Variants in COLEC11 observed in about 807,000 individuals in gnomAD.
COLEC11 encodes the protein collectin-11.
COLEC11 carries 20 observed loss-of-function variants against 27.3 expected under a neutral mutation model. That is an observed-to-expected ratio of 0.73 (90% CI 0.51 to 1.06). The LOEUF is 1.06. Ranked by LOEUF, COLEC11 falls within the 50% of genes least tolerant of loss-of-function variation. The pLI, the probability that COLEC11 is intolerant of heterozygous loss-of-function variation, is 0.00. For missense variants in COLEC11, 310 were observed against 383.0 expected, an observed-to-expected ratio of 0.81 and a Z score of 1.59; for synonymous variants, 163 against 154.7, an observed-to-expected ratio of 1.05 and a Z score of -0.40.
rs1204116076 is a variant in COLEC11, at chr2:3,617,127, TTTTTC to T, written c.202+3755_202+3759del. Among the ~76,000 whole-genome samples the T allele has an allele frequency of 2.0e-5, 3 of 152,224 alleles. No homozygotes were observed. The East Asian group carries it at 5.8e-4, about 29-fold the overall frequency. ...ATCATGTGGTAGTTCTGCTTTTGAT[TTTTTC>T]TTTTCTTTTTTTTTTTTAAGTTTTT... On this transcript the variant is annotated intron_variant, in intron 3 of 6. Transcript: ENST00000349077.
chr2:3,595,400 G>T lies in COLEC11; in HGVS notation c.-27+232G>T, dbSNP rs201308035. Among the ~76,000 whole-genome samples the T allele has an allele frequency of 3.3e-5, 5 of 152,354 alleles. No homozygotes were observed. The East Asian group carries it at 9.6e-4, about 29-fold the overall frequency. On this transcript the variant is annotated intron_variant, in intron 1 of 6. Transcript: ENST00000349077. Reference sequence around the variant, plus strand: ...TTCGTGGAGCCTATTGATGAGATGGGATCCGACCCATGAGAGGTGCTGGAT... The same window carrying T: ...TTCGTGGAGCCTATTGATGAGATGGTATCCGACCCATGAGAGGTGCTGGAT...
chr2:3,627,046 T>C (rs1664606836), intron 3 of COLEC11, among the ~76,000 whole-genome samples: 1 of 152,180 alleles, frequency 6.6e-6, no homozygotes, highest in African/African-American at 2.4e-5. Context: ...GATAGCTTTC[T>C]AGCTCGTTGC....
intron 2 of COLEC11, chr2:3,605,827 G>C: frequency 2.6e-6 from 1 of 383,100 alleles, no homozygotes; most frequent in Non-Finnish European, 4.8e-6. Flanking sequence ...CTCTCCCGGG[G>C]CACAGGGTCC....
chr2:3,598,616 T>C (rs1435512801), intron 1 of COLEC11, among the ~76,000 whole-genome samples: 2 of 152,078 alleles, frequency 1.3e-5, no homozygotes, highest in Non-Finnish European at 2.9e-5. Flanking sequence ...CGCTTTTCGG[T>C]TGCCCTTATT....
chr2:3,644,428 A>C lies in COLEC11; in HGVS notation c.*310A>C. The C allele has an allele frequency of 1.8e-6, 1 of 563,708 alleles. No individual in the cohort carries two copies. The highest frequency in any genetic ancestry group is 1.9e-5 in the African/African-American group (1 of 54,048). The allele number at this position is 563,708 out of a possible 1,614,324, so 34.9% of individuals were successfully genotyped here. The stretch of plus-strand genomic sequence containing the variant: ...GCCTTTGTCCAAGCTATACAATAAA[A>C]TCTTTAAGTAGTGCAGTAGTTAAGT... On this transcript the variant is annotated 3_prime_UTR_variant, in exon 7 of 7. Transcript: ENST00000349077.
intron 4 of COLEC11, 141 bp downstream of exon 4, chr2:3,637,745 G>T: frequency 2.6e-6 from 2 of 775,688 alleles, no homozygotes; most frequent in South Asian, 2.9e-5. Context: ...GAAATCTACT[G>T]CAGTACTTCC....
chr2:3,625,794 G>A (rs541271424), intron 3 of COLEC11, among the ~76,000 whole-genome samples: 5 of 151,812 alleles, frequency 3.3e-5, no homozygotes, highest in East Asian at 1.9e-4. Context: ...CACCACGCCC[G>A]GCTAATTTTT....
intron 3 of COLEC11, among the ~76,000 whole-genome samples, chr2:3,626,995 C>A (rs1664603361): frequency 6.6e-6 from 1 of 152,178 alleles, no homozygotes; most frequent in Non-Finnish European, 1.5e-5. Context: ...CCCTGGCCCA[C>A]TGGCTCTTCT....
chr2:3,598,636 T>C (rs6739899), intron 1 of COLEC11, among the ~76,000 whole-genome samples: 47,238 of 151,864 alleles, frequency 0.31, 8,026 homozygotes, highest in African/African-American at 0.46. Context: ...TGTTCTAATA[T>C]CCGCGTGAGC....
At chr2:3,629,642 T>C (rs1240306494) in intron 3 of COLEC11, among the ~76,000 whole-genome samples, 1 of 152,158 alleles carries the variant, frequency 6.6e-6, no homozygotes, top group Non-Finnish European at 1.5e-5. Flanking sequence ...ATATAGCGTG[T>C]GTGTGAATAG....
chr2:3,627,539 G>A (rs1033376121), intron 3 of COLEC11, among the ~76,000 whole-genome samples: 6 of 151,490 alleles, frequency 4.0e-5, no homozygotes, highest in African/African-American at 1.5e-4. Flanking sequence ...GCATGATGAT[G>A]CTGGGCATGA....
chr2:3,637,693 C>T lies in COLEC11; in HGVS notation c.274+89C>T, dbSNP rs796254120. ...TGAGAATAATTGTAGCCTGAATTGT[C>T]TCGTCTGGTGCTCTTATTTATATTC... On this transcript the variant is annotated intron_variant, in intron 4 of 6. Transcript: ENST00000349077. The T allele has an allele frequency of 5.8e-6, 6 of 1,028,864 alleles. No homozygotes were observed. In the African/African-American group the frequency reaches 7.9e-5, roughly 13 times the overall value. 63.7% of individuals were successfully genotyped at this position (1,028,864 alleles called of 1,614,324 possible). A position where few individuals can be genotyped will look rare whatever the true frequency, so the allele number is the denominator to read the frequency against.
chr2:3,597,846 G>A (rs1056897128), intron 1 of COLEC11, among the ~76,000 whole-genome samples: 3 of 152,206 alleles, frequency 2.0e-5, no homozygotes, highest in African/African-American at 7.2e-5. Flanking sequence ...CTACGGTTAT[G>A]AGCCCAGTGG....
rs537889793 is a variant in COLEC11 at position 3,634,876 on chromosome 2, C to T, written c.203-2657C>T. Among the ~76,000 whole-genome samples, 28 of 151,444 alleles carry T rather than the reference C, an allele frequency of 1.8e-4. 1 individual carries two copies. The South Asian group carries it at 1.9e-3, about 10-fold the overall frequency. The stretch of plus-strand genomic sequence containing the variant: ...GACCTCCTGGCTGTCCACCTGGTCC[C>T]GGCCCTGCCCATGTCTTGGACCCTG... On this transcript the variant is annotated intron_variant, in intron 3 of 6. Coordinates refer to ENST00000349077, the MANE Select transcript of COLEC11 (RefSeq NM_024027.5).
At chr2:3,634,720 G>C (rs888007702) in intron 3 of COLEC11, among the ~76,000 whole-genome samples, 1 of 152,120 alleles carries the variant, frequency 6.6e-6, no homozygotes, top group Non-Finnish European at 1.5e-5. Context: ...TCCAGCAGGC[G>C]CTGGACTCAC....
At chr2:3,638,263 C>CCAT (rs147530408) in intron 4 of COLEC11, among the ~76,000 whole-genome samples, 4,213 of 152,290 alleles carry the variant, frequency 0.028, 158 homozygotes, top group African/African-American at 0.087. Flanking sequence ...CCGCCCCCCG[C>CCAT]CATCTGGTCA....
intron 3 of COLEC11, among the ~76,000 whole-genome samples, chr2:3,616,326 G>C (rs1470643872): frequency 6.6e-6 from 1 of 151,184 alleles, no homozygotes; most frequent in African/African-American, 2.5e-5. Context: ...GGGCGGCCAG[G>C]CAGAGACACT....
At chr2:3,625,315 C>T (rs1390118691) in intron 3 of COLEC11, among the ~76,000 whole-genome samples, 3 of 152,094 alleles carry the variant, frequency 2.0e-5, no homozygotes, top group Non-Finnish European at 2.9e-5. Flanking sequence ...GGGGTGGGCA[C>T]GGATGGAGGG....
intron 4 of COLEC11, among the ~76,000 whole-genome samples, chr2:3,638,291 G>T (rs536104859): frequency 3.2e-4 from 49 of 152,334 alleles, no homozygotes; most frequent in Non-Finnish European, 5.3e-4. Flanking sequence ...TCTTTGGAGC[G>T]CCTGGCTTGT....
Sources: gnomAD v4.1 joint callset for allele counts (sites outside exome capture counted in the v4.1 genomes callset) on GRCh38, gnomAD v4.1.1 for gene constraint, MANE v1.5 for transcripts, NCBI Gene and HGNC (gene_info 2026-07-23, HGNC 2026-07-21) for gene names.